The following AFG1L variants were observed in gnomAD, a reference collection of about 807,000 sequenced individuals.
AFG1L encodes the protein AFG1-like ATPase.
In AFG1L, 53 loss-of-function variants were observed where a neutral mutation model predicts 62.2. The observed-to-expected ratio is 0.85, with a 90% CI of 0.68 to 1.07. The LOEUF is 1.07. AFG1L is among the 50% of genes least tolerant of loss of function. The probability of loss-of-function intolerance (pLI) is 0.00; values close to 1 mark genes in which losing one functional copy is unlikely to be tolerated. For synonymous variants in AFG1L, 228 were observed against 210.3 expected, an observed-to-expected ratio of 1.08 and a Z score of -0.73; for missense variants, 555 against 590.5, an observed-to-expected ratio of 0.94 and a Z score of 0.62.
chr6:108,419,318 T>C (rs994963172), intron 7 of AFG1L, among the ~76,000 whole-genome samples: 3 of 152,178 alleles, frequency 2.0e-5, no homozygotes, highest in African/African-American at 7.2e-5. Context: ...AATGACAGCT[T>C]AGCATGCTAT....
chr6:108,522,642 A>G lies in AFG1L; in HGVS notation c.*217A>G, dbSNP rs1775168825. 5.6e-6 allele frequency: 2 copies of G among 356,250 alleles called. No individual in the cohort carries two copies. The highest frequency in any genetic ancestry group is 1.0e-5 in the Non-Finnish European group (2 of 196,742). The allele number at this position is 356,250 out of a possible 1,614,324, so 22.1% of individuals were successfully genotyped here. ...TTTTCTTATTTGGCCTTATTTCTGCACCATGAAATTAAAATCATCTCATTC... is the reference window on the plus strand; with the variant it reads ...TTTTCTTATTTGGCCTTATTTCTGCGCCATGAAATTAAAATCATCTCATTC... On this transcript the variant is annotated 3_prime_UTR_variant, in exon 13 of 13. Transcript: ENST00000368977.
At chr6:108,330,811 A>G (rs1168282890) in intron 2 of AFG1L, among the ~76,000 whole-genome samples, 1 of 152,212 alleles carries the variant, frequency 6.6e-6, no homozygotes, top group Non-Finnish European at 1.5e-5. Context: ...CAAGGTCTTC[A>G]TTTTATCATT....
intron 7 of AFG1L, among the ~76,000 whole-genome samples, chr6:108,425,947 C>G (rs1770793651): frequency 6.6e-6 from 1 of 152,082 alleles, no homozygotes; most frequent in South Asian, 2.1e-4. Flanking sequence ...CTAAATTTGT[C>G]TCTTTTCATC....
intron 7 of AFG1L, among the ~76,000 whole-genome samples, chr6:108,427,413 C>T (rs1233954019): frequency 6.6e-6 from 1 of 150,926 alleles, no homozygotes; most frequent in Admixed American, 6.6e-5. Context: ...TAGGTTTATT[C>T]TAGTTTAGTT....
chr6:108,492,924 CCAAT>C (rs1300840195), intron 10 of AFG1L, among the ~76,000 whole-genome samples: 1 of 151,724 alleles, frequency 6.6e-6, no homozygotes, highest in Non-Finnish European at 1.5e-5. Flanking sequence ...ATTAAACTAA[CCAAT>C]CAAATAATTA....
intron 6 of AFG1L, among the ~76,000 whole-genome samples, chr6:108,390,266 C>A (rs753144791): frequency 6.6e-6 from 1 of 152,092 alleles, no homozygotes; most frequent in South Asian, 2.1e-4. Flanking sequence ...GTTAGCCATT[C>A]GTCTAATCTT....
chr6:108,520,021 G>A, intron 12 of AFG1L: 1 of 367,078 alleles, frequency 2.7e-6, no homozygotes, highest in Non-Finnish European at 5.0e-6. Flanking sequence ...TAGTGGTCAT[G>A]TAGTTCAGTG....
intron 1 of AFG1L, chr6:108,295,655 A>C (rs1448887884): frequency 6.3e-6 from 1 of 157,616 alleles, no homozygotes; most frequent in East Asian, 1.9e-4. Flanking sequence ...CTAGGAAGGA[A>C]GGTCCACACA....
intron 8 of AFG1L, among the ~76,000 whole-genome samples, chr6:108,454,660 T>C (rs1349055496): frequency 1.3e-5 from 2 of 152,148 alleles, no homozygotes; most frequent in Non-Finnish European, 1.5e-5. Context: ...TTCTTTTTTA[T>C]TATTATTATT....
At chr6:108,445,328 CAAT>C (rs1239389513) in intron 7 of AFG1L, among the ~76,000 whole-genome samples, 3 of 152,148 alleles carry the variant, frequency 2.0e-5, no homozygotes, top group African/African-American at 7.2e-5. Flanking sequence ...TTCTCCATAT[CAAT>C]AATAAGGCTG....
intron 6 of AFG1L, among the ~76,000 whole-genome samples, chr6:108,396,726 A>G (rs1245960097): frequency 1.3e-5 from 2 of 151,974 alleles, no homozygotes; most frequent in East Asian, 1.9e-4. Flanking sequence ...CCTGACCTCA[A>G]ATGATCCACC....
At chr6:108,362,687 A>G (rs764496175) in intron 5 of AFG1L, among the ~76,000 whole-genome samples, 14 of 152,208 alleles carry the variant, frequency 9.2e-5, no homozygotes, top group Non-Finnish European at 1.8e-4. Context: ...AACTTGACCA[A>G]GGTCACACAA....
intron 8 of AFG1L, among the ~76,000 whole-genome samples, chr6:108,464,459 T>C (rs910697154): frequency 2.0e-5 from 3 of 152,134 alleles, no homozygotes; most frequent in Non-Finnish European, 2.9e-5. Flanking sequence ...AAATCATGAT[T>C]CTCATACTCG....
At chr6:108,422,267 T>G (rs1562151155) in intron 7 of AFG1L, among the ~76,000 whole-genome samples, 1 of 151,634 alleles carries the variant, frequency 6.6e-6, no homozygotes. Flanking sequence ...TACTGGGAAG[T>G]CAAGAAATTA....
At chr6:108,390,971 C>T (rs1781031827) in intron 6 of AFG1L, among the ~76,000 whole-genome samples, 1 of 152,218 alleles carries the variant, frequency 6.6e-6, no homozygotes, top group Admixed American at 6.5e-5. Context: ...CCTATTCGGC[C>T]ATCTTGGAAC....
At chr6:108,362,488 T>C (rs1018515418) in intron 5 of AFG1L, among the ~76,000 whole-genome samples, 2 of 152,228 alleles carry the variant, frequency 1.3e-5, no homozygotes, top group African/African-American at 4.8e-5. Flanking sequence ...TAAAATTCTA[T>C]GTAGCTATAC....
intron 10 of AFG1L, among the ~76,000 whole-genome samples, chr6:108,501,457 A>G (rs1454802791): frequency 6.6e-6 from 1 of 152,252 alleles, no homozygotes; most frequent in Non-Finnish European, 1.5e-5. Flanking sequence ...GTAGTAGGAT[A>G]GGCTAACTGC....
At chr6:108,422,040 T>A (rs902180340) in intron 7 of AFG1L, among the ~76,000 whole-genome samples, 8 of 152,092 alleles carry the variant, frequency 5.3e-5, no homozygotes, top group African/African-American at 1.9e-4. Context: ...GGGAATAATT[T>A]TAGATTGTTT....
At chr6:108,508,136 A>G (rs1774495066) in intron 10 of AFG1L, among the ~76,000 whole-genome samples, 1 of 152,218 alleles carries the variant, frequency 6.6e-6, no homozygotes, top group Non-Finnish European at 1.5e-5. Flanking sequence ...GGGAAAACTA[A>G]GGAACAGGAA....
Sources: allele counts gnomAD v4.1 joint callset (sites outside exome capture counted in the v4.1 genomes callset), GRCh38; gene constraint gnomAD v4.1.1; transcripts MANE v1.5; gene names NCBI Gene and HGNC (gene_info 2026-07-23, HGNC 2026-07-21).